SLC7A14: variants seen among roughly 807,000 people sequenced by gnomAD.
The protein encoded by SLC7A14 is gamma-aminobutyric acid transporter SLC7A14.
SLC7A14 carries 37 observed loss-of-function variants against 60.2 expected under a neutral mutation model. The observed-to-expected ratio is 0.61, with a 90% CI of 0.47 to 0.81. The LOEUF (loss-of-function observed/expected upper bound fraction) is 0.81, where lower values mean the gene tolerates loss of function less well. SLC7A14 is among the 30% of genes least tolerant of loss of function. The pLI, the probability that SLC7A14 is intolerant of heterozygous loss-of-function variation, is 0.00. For synonymous variants in SLC7A14, 399 were observed against 395.8 expected (o/e 1.01, Z -0.10); for missense variants, 886 against 982.7 (o/e 0.90, Z 1.32).
intron 7 of SLC7A14, among the ~76,000 whole-genome samples, chr3:170,478,225 T>C (rs1711691943): frequency 6.6e-6 from 1 of 152,094 alleles, no homozygotes; most frequent in Non-Finnish European, 1.5e-5. Flanking sequence ...TTACAGGCAC[T>C]TGCCACCACG....
chr3:170,515,322 A>ACCCC (rs1560266042), intron 2 of SLC7A14, among the ~76,000 whole-genome samples: 2 of 68,640 alleles, frequency 2.9e-5, no homozygotes, highest in African/African-American at 4.7e-5. Context: ...GCCCCCCCCA[A>ACCCC]AAAAAAAATA....
intron 1 of SLC7A14, among the ~76,000 whole-genome samples, chr3:170,573,245 G>A (rs1430763596): frequency 6.6e-6 from 1 of 152,124 alleles, no homozygotes; most frequent in Non-Finnish European, 1.5e-5. Context: ...CCAACCACTT[G>A]GATGGTTTAT....
chr3:170,515,653 C>A (rs1282712245), intron 2 of SLC7A14, among the ~76,000 whole-genome samples: 2 of 151,810 alleles, frequency 1.3e-5, no homozygotes, highest in African/African-American at 4.8e-5. Context: ...AGACAATAGG[C>A]CCTTCTTTAC....
chr3:170,463,908 T>A lies in SLC7A14; in HGVS notation c.*3147A>T, dbSNP rs888550558. 4 of 152,216 alleles carry A rather than the reference T, an allele frequency of 2.6e-5. No individual in the cohort carries two copies. Among genetic ancestry groups the A allele is most frequent in the African/African-American group, 9.6e-5 (4 of 41,452 alleles). The allele number at this position is 152,216 out of a possible 1,614,324, so 9.4% of individuals were successfully genotyped here. On this transcript the variant is annotated 3_prime_UTR_variant, in exon 8 of 8. Transcript: ENST00000231706. ...GAAGCTTACCTGTGGATTTTAATGATCTATGCTATTTCAAACCTCTACCTG... is the reference window on the plus strand; with the variant it reads ...GAAGCTTACCTGTGGATTTTAATGAACTATGCTATTTCAAACCTCTACCTG...
At chr3:170,484,058 C>T (rs1380373568) in intron 5 of SLC7A14, among the ~76,000 whole-genome samples, 1 of 152,124 alleles carries the variant, frequency 6.6e-6, no homozygotes, top group Non-Finnish European at 1.5e-5. Context: ...CTGTTGGGAC[C>T]CAGATAAGGA....
intron 2 of SLC7A14, among the ~76,000 whole-genome samples, chr3:170,523,373 T>C (rs1713394566): frequency 6.6e-6 from 1 of 152,230 alleles, no homozygotes; most frequent in Non-Finnish European, 1.5e-5. Flanking sequence ...ACTTTCCCAG[T>C]ATTTTTATTG....
intron 1 of SLC7A14, among the ~76,000 whole-genome samples, chr3:170,565,189 T>G (rs1714759071): frequency 6.6e-6 from 1 of 151,014 alleles, no homozygotes; most frequent in African/African-American, 2.4e-5. Context: ...CTGGCAGGGG[T>G]GGGGTAGAGT....
At chr3:170,512,325 G>T (rs1022096554) in intron 2 of SLC7A14, among the ~76,000 whole-genome samples, 1 of 152,168 alleles carries the variant, frequency 6.6e-6, no homozygotes, top group African/African-American at 2.4e-5. Context: ...TGACTAGGGA[G>T]GGGGAGCCAC....
chr3:170,473,348 T>A (rs1711511697), intron 7 of SLC7A14, among the ~76,000 whole-genome samples: 1 of 152,178 alleles, frequency 6.6e-6, no homozygotes, highest in African/African-American at 2.4e-5. Flanking sequence ...TATTTCCAAC[T>A]CTGAGGGCAC....
rs113114531 is a variant in SLC7A14, at chr3:170,549,214, C to CTTT, written c.-152-22129_-152-22127dup. ...TCCAGACTGGGACACCGGCCTTCTT[C>CTTT]TTTTTTTTTTTTTTTTTTTGAGACG... is the stretch of plus-strand genomic sequence containing the variant. On this transcript the variant is annotated intron_variant, in intron 1 of 7. Transcript: ENST00000231706. 7.2e-3 allele frequency among the ~76,000 whole-genome samples: 935 copies of CTTT among 129,488 alleles called. 24 individuals carry two copies. Among genetic ancestry groups the CTTT allele is most frequent in the African/African-American group, 0.026 (875 of 33,596 alleles). 84.9% of individuals were successfully genotyped at this position (129,488 alleles called of 152,430 possible).
At chr3:170,562,820 G>A (rs559590433) in intron 1 of SLC7A14, among the ~76,000 whole-genome samples, 1 of 152,098 alleles carries the variant, frequency 6.6e-6, no homozygotes, top group Admixed American at 6.5e-5. Flanking sequence ...ACAGTGGCAC[G>A]ATCTCAACTC....
intron 2 of SLC7A14, among the ~76,000 whole-genome samples, chr3:170,505,482 G>C (rs551895000): frequency 6.6e-6 from 1 of 152,158 alleles, no homozygotes; most frequent in Non-Finnish European, 1.5e-5. Context: ...CAAGTGCGTA[G>C]GAAGGTAACC....
chr3:170,509,751 C>G (rs1339518084), intron 2 of SLC7A14, among the ~76,000 whole-genome samples: 1 of 151,568 alleles, frequency 6.6e-6, no homozygotes, highest in Non-Finnish European at 1.5e-5. Flanking sequence ...TCGAGACCAG[C>G]CTGACCAACA....
intron 2 of SLC7A14, among the ~76,000 whole-genome samples, chr3:170,525,856 G>A (rs1464231061): frequency 1.3e-5 from 2 of 152,112 alleles, no homozygotes; most frequent in African/African-American, 2.4e-5. Context: ...CCAAAGTGCG[G>A]GGTCAGGAGT....
intron 2 of SLC7A14, among the ~76,000 whole-genome samples, chr3:170,513,985 A>G (rs1713069290): frequency 6.6e-6 from 1 of 151,928 alleles, no homozygotes; most frequent in South Asian, 2.1e-4. Flanking sequence ...TTCTTTCTTC[A>G]TCATCGCTTC....
chr3:170,564,989 A>G (rs1560282067), intron 1 of SLC7A14, among the ~76,000 whole-genome samples: 1 of 152,296 alleles, frequency 6.6e-6, no homozygotes, highest in East Asian at 1.9e-4. Context: ...TAGAAATTCA[A>G]TAATCTGGTT....
At chr3:170,493,281 C>G (rs944816782) in intron 4 of SLC7A14, among the ~76,000 whole-genome samples, 1 of 152,166 alleles carries the variant, frequency 6.6e-6, no homozygotes, top group African/African-American at 2.4e-5. Flanking sequence ...GACCCAGAAC[C>G]TGTAAGTGAG....
chr3:170,483,601 G>C, intron 5 of SLC7A14, 79 bp from the exon 6 acceptor site: 1 of 1,499,052 alleles, frequency 6.7e-7, no homozygotes, highest in Non-Finnish European at 9.3e-7. Flanking sequence ...AGAGGAAAGA[G>C]CCCTGCCCCT....
intron 4 of SLC7A14, among the ~76,000 whole-genome samples, 173 bp from the exon 5 acceptor site, chr3:170,486,541 T>C (rs1712037684): frequency 6.6e-6 from 1 of 152,176 alleles, no homozygotes; most frequent in Non-Finnish European, 1.5e-5. Context: ...TTTCTAGCTG[T>C]GTGGCTGTGG....
Sources: allele counts gnomAD v4.1 joint callset (sites outside exome capture counted in the v4.1 genomes callset), GRCh38; gene constraint gnomAD v4.1.1; transcripts MANE v1.5; gene names NCBI Gene and HGNC (gene_info 2026-07-23, HGNC 2026-07-21).